The following ATP10A variants were observed in gnomAD, a reference collection of about 807,000 sequenced individuals.
ATP10A encodes the protein ATPase phospholipid transporting 10A (putative).
A neutral mutation model predicts 147.8 loss-of-function variants in ATP10A; 111 were observed. The ratio of observed to expected loss-of-function variants is 0.75; its 90% CI spans 0.64 to 0.88. ATP10A has a LOEUF of 0.88. ATP10A is among the 40% of genes least tolerant of loss of function. The probability of loss-of-function intolerance (pLI) is 0.00; values close to 1 mark genes in which losing one functional copy is unlikely to be tolerated. For missense variants in ATP10A, 1,927 were observed against 1,959.0 expected (o/e 0.98, Z 0.31); for synonymous variants, 875 against 841.6 (o/e 1.04, Z -0.69).
At position 25,859,039 on chromosome 15, in the gene ATP10A, C is replaced by T. The variant is rs566193282; in HGVS notation, c.449+3609G>A. On this transcript the variant is annotated intron_variant, in intron 1 of 20. Coordinates refer to ENST00000555815, the MANE Select transcript of ATP10A (RefSeq NM_024490.4). ...TCTGCTGATTTAAGGTTTCCCCCCT[C>T]ACCCCTGCTGTGGAAGAGGTGGATG... Among the ~76,000 whole-genome samples, 7 of 152,298 alleles carry T rather than the reference C, an allele frequency of 4.6e-5. No individual in the cohort carries two copies. The South Asian group carries it at 1.5e-3, about 32-fold the overall frequency.
intron 1 of ATP10A, among the ~76,000 whole-genome samples, chr15:25,783,729 G>A (rs1429641682): frequency 6.6e-6 from 1 of 152,188 alleles, no homozygotes; most frequent in Non-Finnish European, 1.5e-5. Context: ...CGCCCTTTGG[G>A]GACTGTGGAG....
Position 25,694,851 on chromosome 15 carries a change from C to T in ATP10A, c.3056G>A (p.Arg1019Gln), listed in dbSNP as rs745370610. ...LQKSMVVKLV[R>Q]SKLKAMTLAI... ...CAGGGTCATGGCCTTGAGCTTGCTC[C>T]GCACCAGCTTCACCACCATGCTCTT... Residue 1019 changes from arginine to glutamine, a missense_variant, in exon 14 of 21, where the codon CGG becomes CAG. Coordinates refer to ENST00000555815, the MANE Select transcript of ATP10A (RefSeq NM_024490.4). The T allele has an allele frequency of 1.3e-5, 21 of 1,613,670 alleles. No homozygotes were observed. Among genetic ancestry groups the T allele is most frequent in the South Asian group, 5.5e-5 (5 of 91,060 alleles).
At chr15:25,801,111 G>A (rs1890915407) in intron 1 of ATP10A, among the ~76,000 whole-genome samples, 1 of 152,174 alleles carries the variant, frequency 6.6e-6, no homozygotes, top group South Asian at 2.1e-4. Context: ...GGTATCCCAA[G>A]GCTGGTTGTG....
chr15:25,816,550 CT>C (rs1891663090), intron 1 of ATP10A, among the ~76,000 whole-genome samples: 2 of 152,214 alleles, frequency 1.3e-5, no homozygotes, highest in Middle Eastern at 6.8e-3. Flanking sequence ...TTTTAGAGAG[CT>C]TTTTAAAAAA....
At chr15:25,737,685 G>A (rs1005366260) in intron 2 of ATP10A, among the ~76,000 whole-genome samples, 5 of 152,222 alleles carry the variant, frequency 3.3e-5, no homozygotes, top group African/African-American at 9.6e-5. Context: ...CTCATCCGCC[G>A]CTAGAACTCA....
At chr15:25,820,202 T>C (rs1891822874) in intron 1 of ATP10A, among the ~76,000 whole-genome samples, 1 of 152,162 alleles carries the variant, frequency 6.6e-6, no homozygotes, top group Non-Finnish European at 1.5e-5. Flanking sequence ...CAGCTTCACA[T>C]GAACAATCTG....
intron 2 of ATP10A, among the ~76,000 whole-genome samples, chr15:25,746,573 G>A (rs1010286786): frequency 6.6e-6 from 1 of 152,144 alleles, no homozygotes; most frequent in Non-Finnish European, 1.5e-5. Flanking sequence ...GACAAGTACT[G>A]ACCATATTCT....
intron 13 of ATP10A, among the ~76,000 whole-genome samples, chr15:25,700,954 G>C (rs373262578): frequency 2.6e-5 from 4 of 151,762 alleles, no homozygotes; most frequent in African/African-American, 9.7e-5. Context: ...CCCTGGTGAA[G>C]GCACAGGCTC....
intron 1 of ATP10A, among the ~76,000 whole-genome samples, chr15:25,851,646 C>A (rs960508507): frequency 2.0e-5 from 3 of 152,126 alleles, no homozygotes; most frequent in Non-Finnish European, 4.4e-5. Flanking sequence ...CTTAGTGGTC[C>A]TCAAAATTCT....
intron 2 of ATP10A, among the ~76,000 whole-genome samples, chr15:25,763,433 T>C (rs1036219607): frequency 5.9e-5 from 9 of 152,132 alleles, no homozygotes; most frequent in African/African-American, 2.2e-4. Context: ...CCTGGTGAAG[T>C]TGGCTCTCCA....
At position 25,702,057 on chromosome 15, in the gene ATP10A, T is replaced by A; in HGVS notation, c.2619A>T (p.Glu873Asp). 1 of 1,614,136 alleles carries A rather than the reference T, an allele frequency of 6.2e-7. No homozygotes were observed. Among genetic ancestry groups the A allele is most frequent in the Non-Finnish European group, 8.5e-7 (1 of 1,179,990 alleles). ...CCGCTTGACGCAATTTAGAAATAGT[T>A]TCAGGGACTCCGTCCTGCAGGCGGT... Reference protein sequence around the residue: ...IEDRLQDGVPETISKLRQAGL... With the variant: ...IEDRLQDGVPDTISKLRQAGL... The change falls in exon 13 of 21, where the codon GAA becomes GAT. Residue 873 changes from glutamate (E) to aspartate (D), a missense_variant. Physicochemically the swap from Glu to Asp is conservative, Grantham distance 45 (BLOSUM62 2). Coordinates refer to ENST00000555815, the MANE Select transcript of ATP10A (RefSeq NM_024490.4).
intron 1 of ATP10A, among the ~76,000 whole-genome samples, chr15:25,845,458 C>T (rs995000072): frequency 1.3e-5 from 2 of 152,100 alleles, no homozygotes; most frequent in African/African-American, 2.4e-5. Context: ...TACTCTGCCT[C>T]GAGCTCACAG....
downstream of ATP10A, among the ~76,000 whole-genome samples, chr15:25,677,002 A>C (rs1899150648): frequency 6.6e-6 from 1 of 152,166 alleles, no homozygotes; most frequent in Non-Finnish European, 1.5e-5. Flanking sequence ...TCAAACTGCT[A>C]GGTTCTGTGC....
chr15:25,834,144 T>C (rs12594195), intron 1 of ATP10A, among the ~76,000 whole-genome samples: 1 of 152,090 alleles, frequency 6.6e-6, no homozygotes, highest in East Asian at 1.9e-4. Flanking sequence ...TTTTACACCA[T>C]AAATATACAC....
intron 2 of ATP10A, 107 bp from the exon 3 acceptor site, chr15:25,736,248 G>A (rs1269457705): frequency 2.4e-6 from 2 of 816,398 alleles, no homozygotes; most frequent in Non-Finnish European, 4.1e-6. Flanking sequence ...ATTTCACGGG[G>A]GAAGAACTCT....
intron 1 of ATP10A, among the ~76,000 whole-genome samples, chr15:25,853,630 C>G (rs557386307): frequency 1.3e-5 from 2 of 152,124 alleles, no homozygotes; most frequent in Admixed American, 6.5e-5. Flanking sequence ...TACTCCCCCC[C>G]AGATGAGACC....
At chr15:25,712,731 T>C (rs527715284) in intron 10 of ATP10A, among the ~76,000 whole-genome samples, 1 of 151,832 alleles carries the variant, frequency 6.6e-6, no homozygotes, top group Non-Finnish European at 1.5e-5. Context: ...CCCGCGGTGG[T>C]CATCATCATG....
At chr15:25,765,607 G>A (rs1265304491) in intron 2 of ATP10A, among the ~76,000 whole-genome samples, 8 of 152,178 alleles carry the variant, frequency 5.3e-5, no homozygotes, top group Non-Finnish European at 8.8e-5. Context: ...TCATTGAGAC[G>A]CAGCTTCCTC....
At chr15:25,769,874 T>G (rs543416673) in intron 2 of ATP10A, among the ~76,000 whole-genome samples, 1 of 151,988 alleles carries the variant, frequency 6.6e-6, no homozygotes, top group African/African-American at 2.4e-5. Context: ...TTTAAAGAGG[T>G]AATAAGGGTT....
Sources: gnomAD v4.1 joint callset for allele counts (sites outside exome capture counted in the v4.1 genomes callset) on GRCh38, gnomAD v4.1.1 for gene constraint, MANE v1.5 for transcripts, NCBI Gene and HGNC (gene_info 2026-07-23, HGNC 2026-07-21) for gene names.